Variants in DNAH12 observed in about 807,000 individuals in gnomAD.
DNAH12 encodes the protein axonemal beta dynein heavy chain 12.
Under a neutral mutation model 371.5 loss-of-function variants are expected in DNAH12, and 285 were observed. That is an observed-to-expected ratio of 0.77 (90% CI 0.70 to 0.85). The LOEUF (loss-of-function observed/expected upper bound fraction) is 0.85, where lower values mean the gene tolerates loss of function less well. Among genes scored for constraint, DNAH12 ranks in the 40% least tolerant of loss-of-function variants. DNAH12 has a pLI of 0.00. For missense variants in DNAH12, 3,611 were observed against 3,689.4 expected, an observed-to-expected ratio of 0.98 and a Z score of 0.55; for synonymous variants, 1,200 against 1,213.0, an observed-to-expected ratio of 0.99 and a Z score of 0.22.
intron 43 of DNAH12, among the ~76,000 whole-genome samples, chr3:57,401,589 G>C (rs1381197453): frequency 1.5e-5 from 2 of 137,158 alleles, no homozygotes; most frequent in Non-Finnish European, 3.1e-5. Flanking sequence ...AAAAGAAGAA[G>C]AAGAAGAAGA....
intron 60 of DNAH12, among the ~76,000 whole-genome samples, chr3:57,338,061 G>A (rs1207353217): frequency 6.6e-6 from 1 of 152,154 alleles, no homozygotes; most frequent in Non-Finnish European, 1.5e-5. Context: ...TGCTGAGGCT[G>A]GACTGTACTG....
intron 30 of DNAH12, among the ~76,000 whole-genome samples, chr3:57,436,354 T>C (rs1457357948): frequency 1.3e-5 from 2 of 152,186 alleles, no homozygotes; most frequent in Non-Finnish European, 2.9e-5. Flanking sequence ...GTCCTGAAGT[T>C]TAAACTCTAT....
At chr3:57,483,558 A>G in intron 12 of DNAH12, 47 bp from the exon 13 acceptor site, 2 of 1,481,798 alleles carry the variant, frequency 1.3e-6, no homozygotes, top group Middle Eastern at 1.8e-4. Flanking sequence ...TTAATGTTAT[A>G]TCATATTCAA....
intron 29 of DNAH12, among the ~76,000 whole-genome samples, chr3:57,437,676 T>A (rs371972189): frequency 1.3e-5 from 2 of 152,146 alleles, no homozygotes; most frequent in African/African-American, 4.8e-5. Context: ...ATGTGACAGA[T>A]TTGAATTTGG....
chr3:57,536,717 C>T (rs564733036), intron 2 of DNAH12, among the ~76,000 whole-genome samples: 1 of 152,308 alleles, frequency 6.6e-6, no homozygotes, highest in African/African-American at 2.4e-5. Context: ...CACTAGTTGG[C>T]ACTAGTCATA....
chr3:57,462,873 T>C lies in DNAH12; in HGVS notation c.2352A>G (p.Glu784=). ...TVMEQIKAFK[E]YIPTVSILCN... ...ACAGAATGGAGACAGTAGGAATATA[T>C]TCCTAATGGCAAAAATATAAACAAT... Residue 784 remains glutamate (E), a splice_region_variant and synonymous_variant, in exon 18 of 74, where the codon GAA becomes GAG. Transcript: ENST00000495027. 1 of 1,549,316 alleles carries C rather than the reference T, an allele frequency of 6.5e-7. No individual in the cohort carries two copies. The highest frequency in any genetic ancestry group is 8.7e-7 in the Non-Finnish European group (1 of 1,145,974).
upstream of DNAH12, among the ~76,000 whole-genome samples, chr3:57,546,439 T>C (rs1559773164): frequency 6.6e-6 from 1 of 152,136 alleles, no homozygotes; most frequent in Non-Finnish European, 1.5e-5. Flanking sequence ...ACTCCTGGGC[T>C]CAAGGGATCC....
At chr3:57,392,234 C>T (rs942565188) in intron 44 of DNAH12, among the ~76,000 whole-genome samples, 168 bp from the exon 45 acceptor site, 3 of 151,972 alleles carry the variant, frequency 2.0e-5, no homozygotes, top group Admixed American at 6.6e-5. Context: ...CTTAGAAAAC[C>T]TCTTCCAACT....
chr3:57,376,635 ATGAACCATGCATTCAC>A (rs2063287665), intron 53 of DNAH12, among the ~76,000 whole-genome samples: 1 of 152,186 alleles, frequency 6.6e-6, no homozygotes, highest in Non-Finnish European at 1.5e-5. Flanking sequence ...AATTTAACCA[ATGAACCATGCATTCAC>A]TGATCCCTCC....
intron 57 of DNAH12, among the ~76,000 whole-genome samples, chr3:57,365,939 C>G (rs1379749209): frequency 6.6e-6 from 1 of 151,718 alleles, no homozygotes; most frequent in Non-Finnish European, 1.5e-5. Context: ...CTGTCTCATT[C>G]AGGTACAAGT....
At chr3:57,315,703 G>A (rs1309481296) in intron 65 of DNAH12, among the ~76,000 whole-genome samples, 1 of 151,942 alleles carries the variant, frequency 6.6e-6, no homozygotes, top group Non-Finnish European at 1.5e-5. Context: ...GGAAAGGGAG[G>A]CAGAGAAAGA....
At chr3:57,381,068 G>A (rs1213483050) in intron 50 of DNAH12, among the ~76,000 whole-genome samples, 5 of 151,924 alleles carry the variant, frequency 3.3e-5, no homozygotes, top group Admixed American at 6.6e-5. Flanking sequence ...GACAAATTCC[G>A]CACTTACCTA....
chr3:57,430,685 A>G (rs2064930028), intron 32 of DNAH12, among the ~76,000 whole-genome samples: 2 of 152,176 alleles, frequency 1.3e-5, no homozygotes, highest in Non-Finnish European at 2.9e-5. Flanking sequence ...TTAACTTGAT[A>G]CCTAAATTAA....
At chr3:57,331,456 A>G (rs573296691) in intron 62 of DNAH12, among the ~76,000 whole-genome samples, 55 of 152,158 alleles carry the variant, frequency 3.6e-4, no homozygotes, top group Admixed American at 4.6e-4. Context: ...ATACACAGAC[A>G]CATATGCACA....
At chr3:57,473,774 T>C (rs1037027656) in intron 13 of DNAH12, among the ~76,000 whole-genome samples, 4 of 151,506 alleles carry the variant, frequency 2.6e-5, no homozygotes, top group South Asian at 4.1e-4. Flanking sequence ...GTACATTCTA[T>C]ATATTATGTA....
chr3:57,496,102 A>G (rs896991342), intron 11 of DNAH12, among the ~76,000 whole-genome samples: 1 of 151,728 alleles, frequency 6.6e-6, no homozygotes, highest in African/African-American at 2.4e-5. Context: ...CAGAAATTCA[A>G]TAGCCTGTGG....
chr3:57,320,088 C>T (rs1326509813), intron 65 of DNAH12, among the ~76,000 whole-genome samples: 2 of 152,102 alleles, frequency 1.3e-5, no homozygotes, highest in Admixed American at 6.5e-5. Flanking sequence ...TATGCTTGTT[C>T]TTGAGCCTTA....
At chr3:57,500,559 G>T (rs538043393) in intron 11 of DNAH12, among the ~76,000 whole-genome samples, 4 of 152,104 alleles carry the variant, frequency 2.6e-5, no homozygotes, top group African/African-American at 9.6e-5. Flanking sequence ...TGAACACCCT[G>T]GTTCATGCTA....
At chr3:57,412,616 A>G (rs62252057) in intron 39 of DNAH12, among the ~76,000 whole-genome samples, 45,318 of 152,102 alleles carry the variant, frequency 0.3, 9,445 homozygotes, top group African/African-American at 0.59. Context: ...AACCCAATTT[A>G]AAAATGGCCA....
Sources: allele counts gnomAD v4.1 joint callset (sites outside exome capture counted in the v4.1 genomes callset), GRCh38; gene constraint gnomAD v4.1.1; transcripts MANE v1.5; gene names NCBI Gene and HGNC (gene_info 2026-07-23, HGNC 2026-07-21).